The following MACROD2 variants were observed in gnomAD, a reference collection of about 807,000 sequenced individuals.
MACROD2 encodes the protein mono-ADP ribosylhydrolase 2, also known as ADP-ribose glycohydrolase MACROD2.
In MACROD2, 36 loss-of-function variants were observed where a neutral mutation model predicts 70.4. That is an observed-to-expected ratio of 0.51 (90% CI 0.39 to 0.68). MACROD2 has a LOEUF of 0.68. Among genes scored for constraint, MACROD2 ranks in the 30% least tolerant of loss-of-function variants. MACROD2 has a pLI of 0.00. For missense variants in MACROD2, 496 were observed against 538.4 expected, an observed-to-expected ratio of 0.92 and a Z score of 0.78; for synonymous variants, 172 against 178.8, an observed-to-expected ratio of 0.96 and a Z score of 0.30.
chr20:15,645,657 C>A lies in MACROD2; in HGVS notation c.645+145810C>A, dbSNP rs534133696. On this transcript the variant is annotated intron_variant, in intron 8 of 17. Transcript: ENST00000684519. Reference sequence around the variant, plus strand: ...TCGGGGTAAAATAGGTGGGAAGAAACCTCATGAGTTCCCTAAGAAAATATC... The same window carrying A: ...TCGGGGTAAAATAGGTGGGAAGAAAACTCATGAGTTCCCTAAGAAAATATC... Among the ~76,000 whole-genome samples the A allele has an allele frequency of 4.6e-5, 7 of 152,146 alleles. No homozygotes were observed. The East Asian group carries it at 1.4e-3, about 29-fold the overall frequency.
intron 3 of MACROD2, among the ~76,000 whole-genome samples, chr20:14,230,706 C>T (rs1266445550): frequency 9.1e-6 from 1 of 109,754 alleles, no homozygotes; most frequent in African/African-American, 3.9e-5. Flanking sequence ...TATATGGGCC[C>T]AGCCTATGTT....
intron 7 of MACROD2, among the ~76,000 whole-genome samples, chr20:15,449,339 T>C (rs139615958): frequency 2.6e-5 from 4 of 152,284 alleles, no homozygotes; most frequent in Admixed American, 1.3e-4. Context: ...TGAACGCTTA[T>C]GTAGCACTGA....
intron 4 of MACROD2, among the ~76,000 whole-genome samples, chr20:14,605,186 G>T (rs1982724717): frequency 6.6e-6 from 1 of 152,130 alleles, no homozygotes; most frequent in Admixed American, 6.6e-5. Flanking sequence ...AAACTAGGTG[G>T]CATCAACGAC....
At chr20:14,626,861 A>C (rs932921200) in intron 4 of MACROD2, 5 of 152,188 alleles carry the variant, frequency 3.3e-5, no homozygotes, top group African/African-American at 1.2e-4. Context: ...TGTGGTGATT[A>C]GGGACTCAGT....
intron 10 of MACROD2, chr20:15,893,742 G>A (rs567329441): frequency 1.1e-5 from 5 of 456,714 alleles, no homozygotes; most frequent in South Asian, 6.2e-5. Flanking sequence ...TGTCTTTCTT[G>A]CCTGGATCCC....
intron 3 of MACROD2, among the ~76,000 whole-genome samples, chr20:14,314,843 C>T (rs1291790363): frequency 6.6e-6 from 1 of 151,948 alleles, no homozygotes; most frequent in Non-Finnish European, 1.5e-5. Context: ...TGAGTTAAGT[C>T]CTCTACTTGA....
chr20:14,395,338 ACTAATTTGTCCAGTTCAT>A, intron 3 of MACROD2, among the ~76,000 whole-genome samples: 1 of 152,164 alleles, frequency 6.6e-6, no homozygotes, highest in South Asian at 2.1e-4. Context: ...AAGTTTTTTA[ACTAATTTGTCCAGTTCAT>A]CTAATTTGTC....
chr20:14,644,400 G>A (rs891545056), intron 4 of MACROD2, among the ~76,000 whole-genome samples: 2 of 152,098 alleles, frequency 1.3e-5, no homozygotes, highest in Non-Finnish European at 2.9e-5. Context: ...GCCTTTCTTT[G>A]TAACTCATTA....
intron 8 of MACROD2, among the ~76,000 whole-genome samples, chr20:15,706,590 A>G (rs1332583541): frequency 1.3e-5 from 2 of 152,236 alleles, no homozygotes; most frequent in Non-Finnish European, 1.5e-5. Context: ...TGATTCTCTC[A>G]TAGAAAAGGA....
At chr20:14,215,022 A>G (rs1324578839) in intron 3 of MACROD2, among the ~76,000 whole-genome samples, 8 of 150,628 alleles carry the variant, frequency 5.3e-5, no homozygotes, top group African/African-American at 1.9e-4. Flanking sequence ...CATCATATAT[A>G]TGTGTGTGTA....
At chr20:14,321,791 G>A (rs184723771) in intron 3 of MACROD2, among the ~76,000 whole-genome samples, 9 of 152,168 alleles carry the variant, frequency 5.9e-5, no homozygotes, top group Middle Eastern at 3.4e-3. Flanking sequence ...TTTGGAATAG[G>A]GGAATAATAC....
chr20:14,891,313 T>G (rs1379336957), intron 5 of MACROD2, among the ~76,000 whole-genome samples: 1 of 152,134 alleles, frequency 6.6e-6, no homozygotes, highest in African/African-American at 2.4e-5. Context: ...TTAGCTTATT[T>G]TAGGCCATTA....
At chr20:15,475,026 A>AT (rs1445992208) in intron 7 of MACROD2, among the ~76,000 whole-genome samples, 9 of 145,014 alleles carry the variant, frequency 6.2e-5, no homozygotes, top group African/African-American at 2.2e-4. Context: ...AAAAAAAAAT[A>AT]AATAACAATA....
chr20:15,699,873 T>C (rs554138470), intron 8 of MACROD2, among the ~76,000 whole-genome samples: 1 of 152,248 alleles, frequency 6.6e-6, no homozygotes, highest in East Asian at 1.9e-4. Context: ...CAATGGATCC[T>C]TGTGGTGCCA....
At chr20:14,935,689 A>G (rs906323601) in intron 5 of MACROD2, among the ~76,000 whole-genome samples, 1 of 152,168 alleles carries the variant, frequency 6.6e-6, no homozygotes, top group African/African-American at 2.4e-5. Flanking sequence ...TGGGTGGCCA[A>G]GCCTCCTTCT....
rs192625043 is a variant in MACROD2 at position 14,843,210 on chromosome 20, T to G, written c.418+158251T>G. The stretch of plus-strand genomic sequence containing the variant: ...TGCCTCTAGGATATAATGTCTAGGC[T>G]CTTTGTGTTATGACTGGGGCTAGGA... On this transcript the variant is annotated intron_variant, in intron 5 of 17. Coordinates refer to ENST00000684519, the MANE Select transcript of MACROD2 (RefSeq NM_001351661.2). Among the ~76,000 whole-genome samples the G allele has an allele frequency of 3.2e-3, 475 of 146,248 alleles. 5 individuals carry two copies. The highest frequency in any genetic ancestry group is 5.4e-3 in the Non-Finnish European group (363 of 66,910).
At chr20:14,118,736 A>G (rs564262857) in intron 3 of MACROD2, among the ~76,000 whole-genome samples, 26 of 152,220 alleles carry the variant, frequency 1.7e-4, no homozygotes, top group African/African-American at 4.6e-4. Context: ...TCTGATCTCA[A>G]ATGGGCTTCC....
At chr20:15,024,532 T>C (rs931820787) in intron 5 of MACROD2, among the ~76,000 whole-genome samples, 2 of 152,064 alleles carry the variant, frequency 1.3e-5, no homozygotes, top group Non-Finnish European at 2.9e-5. Flanking sequence ...AGATATTTAA[T>C]ATAAATATCA....
At chr20:15,021,094 A>ATGTGTATACACATG (rs2075166997) in intron 5 of MACROD2, among the ~76,000 whole-genome samples, 10 of 129,132 alleles carry the variant, frequency 7.7e-5, no homozygotes, top group Non-Finnish European at 3.2e-5. Flanking sequence ...ATACACGTGT[A>ATGTGTATACACATG]TGTGTATACA....
Sources: allele counts gnomAD v4.1 joint callset (sites outside exome capture counted in the v4.1 genomes callset), GRCh38; gene constraint gnomAD v4.1.1; transcripts MANE v1.5; gene names NCBI Gene and HGNC (gene_info 2026-07-23, HGNC 2026-07-21).